CHRM3: variants seen among roughly 807,000 people sequenced by gnomAD.
CHRM3 encodes the protein muscarinic acetylcholine receptor M3.
CHRM3 carries 11 observed loss-of-function variants against 41.8 expected under a neutral mutation model. The ratio of observed to expected loss-of-function variants is 0.26; its 90% CI spans 0.17 to 0.44. The LOEUF (loss-of-function observed/expected upper bound fraction) is 0.44. Among genes scored for constraint, CHRM3 ranks in the 20% least tolerant of loss-of-function variants. The pLI is 1.00. For synonymous variants in CHRM3, 297 were observed against 301.4 expected, an observed-to-expected ratio of 0.99 and a Z score of 0.15; for missense variants, 571 against 745.4, an observed-to-expected ratio of 0.77 and a Z score of 2.72.
At chr1:239,691,484 C>T (rs1183082050) in intron 5 of CHRM3, among the ~76,000 whole-genome samples, 3 of 151,952 alleles carry the variant, frequency 2.0e-5, no homozygotes, top group Non-Finnish European at 4.4e-5. Flanking sequence ...CAAGACACAT[C>T]GATAATATAG....
chr1:239,893,939 A>G (rs1165403013), intron 6 of CHRM3, among the ~76,000 whole-genome samples: 1 of 151,984 alleles, frequency 6.6e-6, no homozygotes, highest in East Asian at 1.9e-4. Flanking sequence ...TTTGTATCTT[A>G]TCTCTTTCTT....
intron 2 of CHRM3, among the ~76,000 whole-genome samples, chr1:239,542,505 A>G (rs1658879739): frequency 6.6e-6 from 1 of 152,134 alleles, no homozygotes; most frequent in Non-Finnish European, 1.5e-5. Context: ...CAGTTAGTAA[A>G]TCTTGCGTAC....
At chr1:239,599,337 C>CT (rs1346222700) in intron 3 of CHRM3, among the ~76,000 whole-genome samples, 3 of 151,872 alleles carry the variant, frequency 2.0e-5, no homozygotes, top group Admixed American at 6.6e-5. Context: ...CATTGTCAGT[C>CT]TTTTTTGCAA....
At chr1:239,769,620 G>A (rs1002578544) in intron 5 of CHRM3, among the ~76,000 whole-genome samples, 6 of 152,152 alleles carry the variant, frequency 3.9e-5, no homozygotes, top group African/African-American at 9.7e-5. Context: ...TTTGTGTGGC[G>A]CCTGTAAGCC....
At chr1:239,559,677 T>A (rs1660685125) in intron 3 of CHRM3, among the ~76,000 whole-genome samples, 1 of 152,192 alleles carries the variant, frequency 6.6e-6, no homozygotes, top group African/African-American at 2.4e-5. Context: ...TGTACCTGAA[T>A]TGATTAAATT....
intron 5 of CHRM3, chr1:239,707,351 A>C (rs1661297759): frequency 6.6e-6 from 1 of 152,216 alleles, no homozygotes; most frequent in Admixed American, 6.5e-5. Context: ...CTGCATAATA[A>C]AAAAATTAGA....
At chr1:239,529,227 A>G (rs1558292444) in intron 2 of CHRM3, among the ~76,000 whole-genome samples, 1 of 152,244 alleles carries the variant, frequency 6.6e-6, no homozygotes, top group Non-Finnish European at 1.5e-5. Flanking sequence ...GGAGTACCAG[A>G]TGCTTTGAAG....
At chr1:239,444,746 G>A (rs563733259) in intron 1 of CHRM3, among the ~76,000 whole-genome samples, 80 of 152,154 alleles carry the variant, frequency 5.3e-4, no homozygotes, top group Non-Finnish European at 1.0e-3. Flanking sequence ...CAAAATATAC[G>A]AGATGAAGAC....
intron 6 of CHRM3, among the ~76,000 whole-genome samples, chr1:239,889,262 C>T (rs779403084): frequency 1.4e-4 from 21 of 152,032 alleles, no homozygotes; most frequent in African/African-American, 4.1e-4. Context: ...GCTTAGGGCA[C>T]GAAAAACTGG....
chr1:239,853,152 C>G (rs1372715115), intron 6 of CHRM3, among the ~76,000 whole-genome samples: 1 of 151,722 alleles, frequency 6.6e-6, no homozygotes, highest in African/African-American at 2.4e-5. Flanking sequence ...AAATTAACCT[C>G]TCAATAAAGT....
intron 2 of CHRM3, among the ~76,000 whole-genome samples, chr1:239,498,786 C>T (rs1014818899): frequency 6.6e-6 from 1 of 152,096 alleles, no homozygotes; most frequent in Non-Finnish European, 1.5e-5. Context: ...TTTTACGGAA[C>T]AGTTAGCTAA....
intron 6 of CHRM3, among the ~76,000 whole-genome samples, chr1:239,854,457 A>C (rs1674946521): frequency 6.6e-6 from 1 of 152,136 alleles, no homozygotes; most frequent in Non-Finnish European, 1.5e-5. Flanking sequence ...GACTAGGAAC[A>C]AGAAAACACA....
intron 4 of CHRM3, among the ~76,000 whole-genome samples, chr1:239,656,082 T>C (rs986862809): frequency 4.0e-5 from 6 of 151,892 alleles, no homozygotes; most frequent in African/African-American, 1.5e-4. Flanking sequence ...TTCTCACTTA[T>C]AAGTGGGAGG....
At chr1:239,444,868 G>T (rs539885707) in intron 1 of CHRM3, among the ~76,000 whole-genome samples, 1 of 152,216 alleles carries the variant, frequency 6.6e-6, no homozygotes, top group South Asian at 2.1e-4. Flanking sequence ...AAATAGAGAG[G>T]TTGGATTTGT....
At chr1:239,487,954 G>A (rs1667294090) in intron 1 of CHRM3, among the ~76,000 whole-genome samples, 1 of 151,220 alleles carries the variant, frequency 6.6e-6, no homozygotes, top group Admixed American at 6.6e-5. Flanking sequence ...GCAATAAACA[G>A]TTCACATTTA....
chr1:239,606,770 GT>G (rs1280514094), intron 3 of CHRM3, among the ~76,000 whole-genome samples: 1 of 152,144 alleles, frequency 6.6e-6, no homozygotes. Context: ...AGGGAGCTGT[GT>G]TTTTGATTTG....
Position 239,630,758 on chromosome 1 carries a change from G to A in CHRM3, c.-312-1466G>A, listed in dbSNP as rs574393222. On this transcript the variant is annotated intron_variant, in intron 3 of 6. Transcript: ENST00000676153. ...CTGTTAGTGGAAAGAGTCAGACAGA[G>A]CTGATTTCAAGTTGTGACCCATGGT... Among the ~76,000 whole-genome samples the A allele has an allele frequency of 3.3e-5, 5 of 152,296 alleles. No individual in the cohort carries two copies. In the South Asian group the frequency reaches 1.0e-3, roughly 32 times the overall value.
intron 2 of CHRM3, among the ~76,000 whole-genome samples, chr1:239,505,697 A>C (rs1381063660): frequency 1.3e-5 from 2 of 152,214 alleles, no homozygotes; most frequent in Non-Finnish European, 2.9e-5. Context: ...GTAGATACTC[A>C]AAAATATGGA....
rs1027143957 is a variant in CHRM3, at chr1:239,910,234, G to C, written c.*1010G>C. On this transcript the variant is annotated 3_prime_UTR_variant, in exon 7 of 7. Transcript: ENST00000676153. ...TAATCATCTAAATCTGAATGTTTCA[G>C]AACAAAATTTCTGCTATCTAAACTG... is the stretch of plus-strand genomic sequence containing the variant. 1 of 165,788 alleles carries C rather than the reference G, an allele frequency of 6.0e-6. No homozygotes were observed. The highest frequency in any genetic ancestry group is 2.4e-5 in the African/African-American group (1 of 40,964). The allele number at this position is 165,788 out of a possible 1,614,324, so 10.3% of individuals were successfully genotyped here.
Sources: gnomAD v4.1 joint callset for allele counts (sites outside exome capture counted in the v4.1 genomes callset) on GRCh38, gnomAD v4.1.1 for gene constraint, MANE v1.5 for transcripts, NCBI Gene and HGNC (gene_info 2026-07-23, HGNC 2026-07-21) for gene names.